CUBN: variants seen among roughly 807,000 people sequenced by gnomAD.
CUBN encodes the protein cubilin, also known as 460 kDa receptor.
Under a neutral mutation model 405.3 loss-of-function variants are expected in CUBN, and 282 were observed. That is an observed-to-expected ratio of 0.70 (90% CI 0.63 to 0.77). The LOEUF is 0.77. Ranked by LOEUF, CUBN falls within the 30% of genes least tolerant of loss-of-function variation. The pLI is 0.00. For missense variants in CUBN, 4,514 were observed against 4,475.2 expected (o/e 1.01, Z -0.25); for synonymous variants, 1,684 against 1,617.0 (o/e 1.04, Z -0.99).
chr10:17,049,834 A>C (rs1835223124), intron 22 of CUBN, among the ~76,000 whole-genome samples: 1 of 152,240 alleles, frequency 6.6e-6, no homozygotes, highest in Admixed American at 6.5e-5. Context: ...TAGCATAATA[A>C]AATTTTATGC....
intron 13 of CUBN, among the ~76,000 whole-genome samples, chr10:17,102,023 C>T (rs1836503560): frequency 6.6e-6 from 1 of 152,064 alleles, no homozygotes. Context: ...ACTAAGCAAC[C>T]ATCTTCTAAA....
chr10:17,060,486 A>G (rs1463157718), intron 22 of CUBN, among the ~76,000 whole-genome samples: 1 of 152,236 alleles, frequency 6.6e-6, no homozygotes, highest in African/African-American at 2.4e-5. Context: ...GGAACTCAGA[A>G]TATCATGATT....
intron 28 of CUBN, among the ~76,000 whole-genome samples, chr10:16,998,407 G>C (rs1283997646): frequency 6.6e-6 from 1 of 152,174 alleles, no homozygotes; most frequent in Non-Finnish European, 1.5e-5. Context: ...GAAAGCCAAA[G>C]ACAGCCATCA....
At chr10:17,035,279 T>C (rs1834870643) in intron 27 of CUBN, among the ~76,000 whole-genome samples, 1 of 152,118 alleles carries the variant, frequency 6.6e-6, no homozygotes, top group South Asian at 2.1e-4. Flanking sequence ...ATTTTATGGG[T>C]ACACATACGA....
intron 60 of CUBN, among the ~76,000 whole-genome samples, chr10:16,845,512 C>T (rs1839483977): frequency 6.6e-6 from 1 of 152,122 alleles, no homozygotes; most frequent in Non-Finnish European, 1.5e-5. Flanking sequence ...TCAGAATCTT[C>T]TGGAGAAAAA....
At chr10:17,070,708 T>C (rs1196199489) in intron 19 of CUBN, among the ~76,000 whole-genome samples, 1 of 152,216 alleles carries the variant, frequency 6.6e-6, no homozygotes, top group Non-Finnish European at 1.5e-5. Flanking sequence ...TATATTTTGA[T>C]CTCATAACCC....
rs568412064 is a variant in CUBN, at chr10:17,012,348, C to T, written c.4168+7485G>A. Among the ~76,000 whole-genome samples, 14 of 152,054 alleles carry T rather than the reference C, an allele frequency of 9.2e-5. No individual in the cohort carries two copies. In the South Asian group the frequency reaches 1.2e-3, roughly 14 times the overall value. On this transcript the variant is annotated intron_variant, in intron 28 of 66. Transcript: ENST00000377833. The stretch of plus-strand genomic sequence containing the variant: ...CAGAAGCTTTTTCCTGTAAATGCTG[C>T]GTGGCATCTCGTACTATCCCTGACT...
At chr10:16,839,177 G>T (rs1839266645) in intron 62 of CUBN, among the ~76,000 whole-genome samples, 1 of 152,098 alleles carries the variant, frequency 6.6e-6, no homozygotes, top group Non-Finnish European at 1.5e-5. Flanking sequence ...TTATATGGGG[G>T]ATTCGGTCTC....
intron 5 of CUBN, 178 bp downstream of exon 5, chr10:17,123,410 G>T: frequency 1.5e-6 from 1 of 660,616 alleles, no homozygotes; most frequent in Non-Finnish European, 2.8e-6. Context: ...TATTTGGTGG[G>T]TTATACAATC....
At chr10:16,876,629 A>T (rs1840509333) in intron 57 of CUBN, among the ~76,000 whole-genome samples, 1 of 152,238 alleles carries the variant, frequency 6.6e-6, no homozygotes, top group Non-Finnish European at 1.5e-5. Context: ...AAATAGCAGT[A>T]GTATTTATTT....
At chr10:17,001,310 T>G (rs1040946697) in intron 28 of CUBN, among the ~76,000 whole-genome samples, 3 of 152,164 alleles carry the variant, frequency 2.0e-5, no homozygotes, top group Non-Finnish European at 4.4e-5. Flanking sequence ...TTGCCACTGG[T>G]GCGCAGGAGG....
At chr10:17,068,803 G>A (rs1222900005) in intron 19 of CUBN, 33 bp from the exon 20 acceptor site, 1 of 1,529,746 alleles carries the variant, frequency 6.5e-7, no homozygotes, top group Non-Finnish European at 9.0e-7. Flanking sequence ...CAAATATGTT[G>A]TATATCAATT....
intron 28 of CUBN, among the ~76,000 whole-genome samples, chr10:16,997,431 C>CT (rs1833766168): frequency 2.3e-5 from 2 of 88,746 alleles, no homozygotes; most frequent in African/African-American, 1.1e-4. Flanking sequence ...GAGACTCCAT[C>CT]TAAAAAAAAA....
chr10:16,899,715 T>C (rs2131418490), intron 53 of CUBN, among the ~76,000 whole-genome samples: 1 of 152,212 alleles, frequency 6.6e-6, no homozygotes, highest in South Asian at 2.1e-4. Flanking sequence ...GGAAGAAAAA[T>C]CTAGAATTTT....
At chr10:16,930,796 C>T (rs1588660870) in intron 40 of CUBN, among the ~76,000 whole-genome samples, 1 of 152,130 alleles carries the variant, frequency 6.6e-6, no homozygotes, top group Non-Finnish European at 1.5e-5. Context: ...CTCCATACGG[C>T]CAAAGGCCTG....
intron 60 of CUBN, among the ~76,000 whole-genome samples, chr10:16,850,359 T>C (rs993517929): frequency 2.6e-5 from 4 of 152,248 alleles, no homozygotes; most frequent in African/African-American, 9.6e-5. Context: ...TAAATACTGA[T>C]TGATGCTACT....
At chr10:16,898,892 G>T in intron 54 of CUBN, 104 bp downstream of exon 54, 2 of 841,380 alleles carry the variant, frequency 2.4e-6, no homozygotes, top group East Asian at 2.4e-5. Flanking sequence ...AGGAATCCAG[G>T]CAGCAAAATT....
At chr10:16,897,712 G>A (rs1044620763) in intron 54 of CUBN, among the ~76,000 whole-genome samples, 8 of 152,164 alleles carry the variant, frequency 5.3e-5, no homozygotes, top group Non-Finnish European at 1.0e-4. Flanking sequence ...CCGAAGCTGG[G>A]TCCCTTTACT....
intron 44 of CUBN, among the ~76,000 whole-genome samples, chr10:16,919,563 C>G (rs1479495998): frequency 6.6e-6 from 1 of 152,094 alleles, no homozygotes; most frequent in Non-Finnish European, 1.5e-5. Context: ...CAGTGCTGAC[C>G]CCTGGTGACA....
Sources: gnomAD v4.1 joint callset for allele counts (sites outside exome capture counted in the v4.1 genomes callset) on GRCh38, gnomAD v4.1.1 for gene constraint, MANE v1.5 for transcripts, NCBI Gene and HGNC (gene_info 2026-07-23, HGNC 2026-07-21) for gene names.